SF3A3: variants seen among roughly 807,000 people sequenced by gnomAD.
SF3A3 encodes SAP 61.
A neutral mutation model predicts 85.8 loss-of-function variants in SF3A3; 9 were observed. The ratio of observed to expected loss-of-function variants is 0.10; its 90% confidence interval spans 0.06 to 0.18. The LOEUF (loss-of-function observed/expected upper bound fraction) is 0.18. Among genes scored for constraint, SF3A3 ranks in the 10% least tolerant of loss-of-function variants. The probability of loss-of-function intolerance (pLI) is 1.00; values close to 1 mark genes in which losing one functional copy is unlikely to be tolerated. For synonymous variants in SF3A3, 195 were observed against 204.4 expected (o/e 0.95, Z 0.39); for missense variants, 306 against 593.3 (o/e 0.52, Z 5.03).
Position 37,979,061 on chromosome 1 carries a change from C to T in SF3A3, c.760-6G>A. 3.1e-6 allele frequency: 5 copies of T among 1,611,952 alleles called. No homozygotes were observed. The South Asian group carries it at 4.4e-5, about 14-fold the overall frequency. ...AAACCCAGAGAAGCCAACTCCTATA[C>T]AAAGAAGAGAAAAATTACAATATTA... On this transcript the variant is annotated splice_region_variant and splice_polypyrimidine_tract_variant and intron_variant, in intron 9 of 16. Coordinates refer to ENST00000373019, the MANE Select transcript of SF3A3 (RefSeq NM_006802.4).
chr1:37,987,035 T>C (rs1347194061), intron 4 of SF3A3, among the ~76,000 whole-genome samples: 3 of 152,136 alleles, frequency 2.0e-5, no homozygotes, highest in Non-Finnish European at 2.9e-5. Context: ...CTAGTACCCA[T>C]ACTGTGCTCA....
intron 8 of SF3A3, among the ~76,000 whole-genome samples, chr1:37,979,817 G>A (rs1646404699): frequency 6.6e-6 from 1 of 152,098 alleles, no homozygotes; most frequent in African/African-American, 2.4e-5. Context: ...GTATGATCAT[G>A]CCACTGTACT....
intron 11 of SF3A3, 99 bp from the exon 12 acceptor site, chr1:37,977,052 T>C: frequency 3.6e-6 from 3 of 822,468 alleles, no homozygotes. Flanking sequence ...CATTAAAAAT[T>C]ATAAGCACAT....
At chr1:37,974,040 T>C (rs1172945930) in intron 12 of SF3A3, among the ~76,000 whole-genome samples, 5 of 151,970 alleles carry the variant, frequency 3.3e-5, no homozygotes, top group Non-Finnish European at 5.9e-5. Flanking sequence ...ATGAGAATAC[T>C]TGGACACAGG....
intron 14 of SF3A3, among the ~76,000 whole-genome samples, chr1:37,968,997 C>T (rs977782656): frequency 2.0e-5 from 3 of 152,146 alleles, no homozygotes; most frequent in Non-Finnish European, 4.4e-5. Context: ...AGAGATCAGT[C>T]AGCCCTATTT....
intron 15 of SF3A3, among the ~76,000 whole-genome samples, chr1:37,967,026 G>A (rs1646306110): frequency 7.3e-6 from 1 of 137,712 alleles, no homozygotes; most frequent in Admixed American, 7.6e-5. Context: ...AACATGGGTG[G>A]ATCACTTGAG....
chr1:37,980,407 A>G (rs1646409620), intron 8 of SF3A3, among the ~76,000 whole-genome samples, 179 bp downstream of exon 8: 1 of 151,988 alleles, frequency 6.6e-6, no homozygotes, highest in African/African-American at 2.4e-5. Context: ...CTGGGCAACA[A>G]AAGCGAAACT....
intron 2 of SF3A3, among the ~76,000 whole-genome samples, chr1:37,988,686 C>G (rs1646471674): frequency 6.6e-6 from 1 of 152,136 alleles, no homozygotes; most frequent in Non-Finnish European, 1.5e-5. Flanking sequence ...TTCAAACATA[C>G]ACAAGAGTAA....
At chr1:37,960,336 A>AG in intron 15 of SF3A3, 161 bp from the exon 16 acceptor site, 1 of 586,954 alleles carries the variant, frequency 1.7e-6, no homozygotes, top group East Asian at 2.8e-5. Context: ...GACCACCTAT[A>AG]GACAAAACCC....
chr1:37,958,080 G>A lies in SF3A3; in HGVS notation c.*106C>T. 1.3e-6 allele frequency: 1 copy of A among 765,260 alleles called. No individual in the cohort carries two copies. The highest frequency in any genetic ancestry group is 2.4e-6 in the Non-Finnish European group (1 of 424,926). The allele number at this position is 765,260 out of a possible 1,614,324, so 47.4% of individuals were successfully genotyped here. On this transcript the variant is annotated 3_prime_UTR_variant, in exon 17 of 17. Coordinates refer to ENST00000373019, the MANE Select transcript of SF3A3 (RefSeq NM_006802.4). ...CTACAAGATGCATGCTAGACCATGA[G>A]ACTACATAGCAAAGGGTCTTTAAGA...
intron 15 of SF3A3, among the ~76,000 whole-genome samples, chr1:37,961,018 T>A (rs575888070): frequency 2.6e-5 from 4 of 152,184 alleles, no homozygotes; most frequent in African/African-American, 9.6e-5. Flanking sequence ...CTACATGTAA[T>A]ACATAAGACA....
chr1:37,985,126 G>A (rs1411745311), intron 4 of SF3A3, among the ~76,000 whole-genome samples: 1 of 152,178 alleles, frequency 6.6e-6, no homozygotes, highest in African/African-American at 2.4e-5. Flanking sequence ...ATTTTTCAAT[G>A]TAAAAGTTGC....
intron 15 of SF3A3, chr1:37,960,811 C>G (rs1646252106): frequency 4.5e-5 from 2 of 44,054 alleles, no homozygotes; most frequent in African/African-American, 2.7e-4. Flanking sequence ...CCCCCATGCC[C>G]GGCTAATTTT....
At chr1:37,966,678 T>G (rs1207085295) in intron 15 of SF3A3, among the ~76,000 whole-genome samples, 2 of 152,056 alleles carry the variant, frequency 1.3e-5, no homozygotes, top group Non-Finnish European at 2.9e-5. Context: ...GGATCACGCC[T>G]GTAATCGCAG....
At chr1:37,985,478 TTTA>T (rs1380527112) in intron 4 of SF3A3, among the ~76,000 whole-genome samples, 3 of 152,216 alleles carry the variant, frequency 2.0e-5, no homozygotes, top group African/African-American at 7.2e-5. Context: ...ATCAGTACTT[TTTA>T]AAGATCCCCA....
At chr1:37,981,084 G>C (rs147583468) in intron 7 of SF3A3, among the ~76,000 whole-genome samples, 1,810 of 152,014 alleles carry the variant, frequency 0.012, 45 homozygotes, top group African/African-American at 0.042. Flanking sequence ...CCTGACCTCA[G>C]GTGATCCGTC....
In SF3A3 at chr1:37,989,990, T is replaced by C; in HGVS notation, c.-25A>G. 2 of 1,566,592 alleles carry C rather than the reference T, an allele frequency of 1.3e-6. No individual in the cohort carries two copies. Among genetic ancestry groups the C allele is most frequent in the Non-Finnish European group, 8.7e-7 (1 of 1,143,730 alleles). ...TCTTCCCTTAGTCGCGGCTTCTCAA[T>C]TCAGACCACCAACACGGCCGGAAGC... On this transcript the variant is annotated 5_prime_UTR_variant, in exon 1 of 17. Transcript: ENST00000373019.
chr1:37,976,565 T>C lies in SF3A3; in HGVS notation c.1005+319A>G, dbSNP rs559808890. ...GCCTTTCTGTTACTTGCCCTTTGAG[T>C]GTCTGCTTTGTGGGCTACTCCTGAG... On this transcript the variant is annotated intron_variant, in intron 12 of 16. Transcript: ENST00000373019. Among the ~76,000 whole-genome samples the C allele has an allele frequency of 6.2e-4, 95 of 152,214 alleles. 2 individuals are homozygous for C. The South Asian group carries it at 9.3e-3, about 15-fold the overall frequency.
intron 6 of SF3A3, among the ~76,000 whole-genome samples, chr1:37,982,668 G>A (rs769429061): frequency 3.3e-5 from 5 of 151,788 alleles, no homozygotes; most frequent in African/African-American, 7.3e-5. Flanking sequence ...CACCGCGCCC[G>A]GCCTGTGATA....
Sources: gnomAD v4.1 joint callset for allele counts (sites outside exome capture counted in the v4.1 genomes callset) on GRCh38, gnomAD v4.1.1 for gene constraint, MANE v1.5 for transcripts, NCBI Gene and HGNC (gene_info 2026-07-23, HGNC 2026-07-21) for gene names.